The following DAB1 variants were observed in gnomAD, a reference collection of about 807,000 sequenced individuals.
DAB1 encodes disabled homolog 1.
A neutral mutation model predicts 64.6 loss-of-function variants in DAB1; 15 were observed. The observed-to-expected ratio is 0.23, with a 90% CI of 0.16 to 0.36. The LOEUF is 0.36. DAB1 is among the 10% of genes least tolerant of loss of function. The pLI is 1.00. For missense variants in DAB1, 596 were observed against 706.7 expected (o/e 0.84, Z 1.78); for synonymous variants, 235 against 251.9 (o/e 0.93, Z 0.64).
chr1:58,072,157 A>G (rs1167251295), intron 5 of DAB1, among the ~76,000 whole-genome samples: 3 of 152,080 alleles, frequency 2.0e-5, no homozygotes, highest in African/African-American at 7.2e-5. Flanking sequence ...TTTTTATGAT[A>G]TCTCAATGAA....
At chr1:57,691,675 A>T (rs1390807260) in intron 6 of DAB1, among the ~76,000 whole-genome samples, 1 of 152,106 alleles carries the variant, frequency 6.6e-6, no homozygotes, top group Non-Finnish European at 1.5e-5. Context: ...CTCTGGACAC[A>T]CCATCTTTAA....
At chr1:58,523,994 T>G (rs549944354) in intron 2 of DAB1, among the ~76,000 whole-genome samples, 4 of 152,340 alleles carry the variant, frequency 2.6e-5, no homozygotes, top group Admixed American at 2.0e-4. Flanking sequence ...AAAAGCGTTC[T>G]CATTGTGTAG....
chr1:58,325,424 C>A (rs1310002804), intron 4 of DAB1, among the ~76,000 whole-genome samples: 1 of 152,100 alleles, frequency 6.6e-6, no homozygotes, highest in East Asian at 1.9e-4. Context: ...CCAGGGGTTC[C>A]TCATCTTTAA....
chr1:57,053,686 A>ATTTTTT (rs1276428060), intron 9 of DAB1, among the ~76,000 whole-genome samples: 1 of 82,636 alleles, frequency 1.2e-5, no homozygotes, highest in Non-Finnish European at 2.6e-5. Context: ...ATATATATAT[A>ATTTTTT]TATTTTTTTT....
chr1:58,254,423 A>C (rs1247909193), intron 4 of DAB1, among the ~76,000 whole-genome samples: 1 of 140,426 alleles, frequency 7.1e-6, no homozygotes, highest in Non-Finnish European at 1.5e-5. Context: ...TTTAAGTTTT[A>C]GGGTACATGT....
intron 5 of DAB1, among the ~76,000 whole-genome samples, chr1:58,145,513 T>C (rs778678710): frequency 1.3e-5 from 2 of 152,248 alleles, no homozygotes; most frequent in African/African-American, 4.8e-5. Context: ...CAATAACTGA[T>C]GGTAGTGGTG....
chr1:57,882,361 T>C (rs1644158018), intron 1 of DAB1, among the ~76,000 whole-genome samples: 1 of 152,092 alleles, frequency 6.6e-6, no homozygotes, highest in Non-Finnish European at 1.5e-5. Flanking sequence ...AAGAATGAAA[T>C]GGAATGTACC....
chr1:57,205,064 G>A (rs764727068), intron 2 of DAB1, among the ~76,000 whole-genome samples: 14 of 152,198 alleles, frequency 9.2e-5, no homozygotes, highest in Non-Finnish European at 1.3e-4. Context: ...GAATTCCAGT[G>A]AAAAGGGCAC....
At chr1:57,347,420 T>TG (rs1233729179) in intron 1 of DAB1, among the ~76,000 whole-genome samples, 1 of 152,210 alleles carries the variant, frequency 6.6e-6, no homozygotes, top group African/African-American at 2.4e-5. Context: ...CTCTTCCCGT[T>TG]CTAATTTGCT....
chr1:58,073,907 C>T (rs560061230), intron 5 of DAB1, among the ~76,000 whole-genome samples: 2 of 152,168 alleles, frequency 1.3e-5, no homozygotes, highest in South Asian at 2.1e-4. Context: ...GCAGAAGGCC[C>T]GGAACCCCTG....
chr1:58,523,860 C>T (rs1646307566), intron 2 of DAB1, among the ~76,000 whole-genome samples: 1 of 152,138 alleles, frequency 6.6e-6, no homozygotes, highest in African/African-American at 2.4e-5. Flanking sequence ...GATCACACCA[C>T]TGCACTCCAG....
rs565804887 is a variant in DAB1 at position 57,892,095 on chromosome 1, A to G, written n.388-7933T>C. ...ATCTCTGCTGCAGCACCCAGCACAC[A>G]GTATAAATTCGATATTTAAAAACAA... On this transcript the variant is annotated intron_variant and non_coding_transcript_variant, in intron 5 of 20. Transcript: ENST00000485760. Among the ~76,000 whole-genome samples, 4 of 152,368 alleles carry G rather than the reference A, an allele frequency of 2.6e-5. 1 individual carries two copies. In the South Asian group the frequency reaches 8.3e-4, roughly 32 times the overall value.
intron 4 of DAB1, among the ~76,000 whole-genome samples, chr1:57,079,118 A>C (rs1372769349): frequency 6.6e-6 from 1 of 152,194 alleles, no homozygotes; most frequent in East Asian, 1.9e-4. Context: ...TTTTGAAAAA[A>C]TGTACACATA....
intron 2 of DAB1, among the ~76,000 whole-genome samples, chr1:57,289,172 C>G (rs536074375): frequency 9.2e-5 from 14 of 152,280 alleles, no homozygotes; most frequent in South Asian, 6.2e-4. Flanking sequence ...CCCAAATCCC[C>G]AACTGAGCCA....
chr1:57,452,384 A>C (rs974707152), intron 7 of DAB1, among the ~76,000 whole-genome samples: 5 of 152,140 alleles, frequency 3.3e-5, no homozygotes, highest in Admixed American at 6.5e-5. Context: ...GAGAAATAAA[A>C]TGGTCAGTGG....
chr1:58,077,122 A>G (rs1357628973), intron 5 of DAB1, among the ~76,000 whole-genome samples: 1 of 152,002 alleles, frequency 6.6e-6, no homozygotes, highest in Non-Finnish European at 1.5e-5. Flanking sequence ...CTCTATAGGG[A>G]ATAATTATAA....
intron 2 of DAB1, among the ~76,000 whole-genome samples, chr1:57,207,138 T>G (rs1353391576): frequency 1.3e-5 from 2 of 151,606 alleles, no homozygotes; most frequent in Non-Finnish European, 2.9e-5. Flanking sequence ...CTGGCTAATT[T>G]TTGTATTTTT....
At position 58,515,784 on chromosome 1, in the gene DAB1, T is replaced by C. The variant is rs1255187204; in HGVS notation, n.108-9575A>G. ...TAAGGGTCTTCCTACTAACTAGGTA[T>C]AGGTTATTAGATAAATCACTTTACA... On this transcript the variant is annotated intron_variant and non_coding_transcript_variant, in intron 2 of 20. Transcript: ENST00000485760. Among the ~76,000 whole-genome samples the C allele has an allele frequency of 2.6e-5, 4 of 152,320 alleles. No individual in the cohort carries two copies. The East Asian group carries it at 7.7e-4, about 29-fold the overall frequency.
chr1:58,040,776 A>AT (rs981629216), intron 5 of DAB1, among the ~76,000 whole-genome samples: 48 of 152,280 alleles, frequency 3.2e-4, no homozygotes, highest in African/African-American at 1.1e-3. Flanking sequence ...ATGTATTCAT[A>AT]TTTTTTCTCT....
Sources: gnomAD v4.1 joint callset for allele counts (sites outside exome capture counted in the v4.1 genomes callset) on GRCh38, gnomAD v4.1.1 for gene constraint, MANE v1.5 for transcripts, NCBI Gene and HGNC (gene_info 2026-07-23, HGNC 2026-07-21) for gene names.